The following GRM8 variants were observed in gnomAD, a reference collection of about 807,000 sequenced individuals.
GRM8 encodes the protein metabotropic glutamate receptor 8.
GRM8 carries 47 observed loss-of-function variants against 87.2 expected under a neutral mutation model. That is an observed-to-expected ratio of 0.54 (90% confidence interval 0.43 to 0.69). The LOEUF (loss-of-function observed/expected upper bound fraction) is 0.69. Among genes scored for constraint, GRM8 ranks in the 30% least tolerant of loss-of-function variants. The pLI, the probability that GRM8 is intolerant of heterozygous loss-of-function variation, is 0.00. For missense variants in GRM8, 1,019 were observed against 1,139.2 expected, an observed-to-expected ratio of 0.89 and a Z score of 1.52; for synonymous variants, 396 against 404.5, an observed-to-expected ratio of 0.98 and a Z score of 0.25.
intron 7 of GRM8, among the ~76,000 whole-genome samples, chr7:126,688,032 T>C (rs1280744474): frequency 1.3e-5 from 2 of 152,174 alleles, no homozygotes; most frequent in African/African-American, 2.4e-5. Flanking sequence ...CTAGACCATA[T>C]ACAAGCATTT....
intron 3 of GRM8, among the ~76,000 whole-genome samples, chr7:127,007,624 G>C (rs1814448675): frequency 1.3e-5 from 2 of 151,986 alleles, no homozygotes; most frequent in African/African-American, 4.8e-5. Context: ...CGCATTTTTT[G>C]AAAGTTCAGG....
At chr7:126,492,163 G>A (rs1808090907) in intron 9 of GRM8, among the ~76,000 whole-genome samples, 1 of 151,976 alleles carries the variant, frequency 6.6e-6, no homozygotes, top group Non-Finnish European at 1.5e-5. Context: ...TGATCCTCCT[G>A]CTTTAGCCTC....
intron 9 of GRM8, among the ~76,000 whole-genome samples, chr7:126,510,682 G>C (rs1361774783): frequency 1.2e-4 from 1 of 8,062 alleles, no homozygotes; most frequent in Non-Finnish European, 2.6e-4. Flanking sequence ...GGAAGATAAA[G>C]AGCTTCTAGT....
chr7:126,522,779 G>A (rs2150800303), intron 9 of GRM8, among the ~76,000 whole-genome samples: 1 of 152,132 alleles, frequency 6.6e-6, no homozygotes, highest in East Asian at 1.9e-4. Flanking sequence ...TTCATGGACA[G>A]TTTCTTCATC....
chr7:126,685,699 A>G lies in GRM8; in HGVS notation c.1358-76201T>C. On this transcript the variant is annotated intron_variant, in intron 7 of 10. Coordinates refer to ENST00000339582, the MANE Select transcript of GRM8 (RefSeq NM_000845.3). This position sits in a 1 kb window ranked among gnomAD's most constrained non-coding sequence, Gnocchi z 4.2. Reference sequence around the variant, plus strand: ...CTAAACTTTGGCTGTGGACAAGCACAGGAGGGAGGCACAAGGGGTGCTGAG... The same window carrying G: ...CTAAACTTTGGCTGTGGACAAGCACGGGAGGGAGGCACAAGGGGTGCTGAG... Among the ~76,000 whole-genome samples the G allele has an allele frequency of 6.6e-6, 1 of 152,106 alleles. No individual in the cohort carries two copies. Among genetic ancestry groups the G allele is most frequent in the East Asian group, 1.9e-4 (1 of 5,162 alleles).
intron 2 of GRM8, among the ~76,000 whole-genome samples, chr7:127,225,576 G>A (rs758403115): frequency 2.6e-4 from 40 of 151,670 alleles, no homozygotes; most frequent in Admixed American, 1.9e-3. Context: ...ATTTGGAGCA[G>A]TGCCCCAAAC....
At chr7:127,107,050 C>A (rs1421223561) in intron 2 of GRM8, among the ~76,000 whole-genome samples, 4 of 152,064 alleles carry the variant, frequency 2.6e-5, no homozygotes, top group African/African-American at 9.7e-5. Context: ...AGCTCTGGTG[C>A]AGAAAGGAGA....
chr7:126,920,387 A>T (rs1361975), intron 3 of GRM8, among the ~76,000 whole-genome samples: 10 of 151,970 alleles, frequency 6.6e-5, no homozygotes, highest in Non-Finnish European at 1.2e-4. Flanking sequence ...AAAAAAAAAG[A>T]GGGGAAAAGA....
At chr7:126,600,935 T>A (rs1484362499) in intron 8 of GRM8, among the ~76,000 whole-genome samples, 1 of 37,988 alleles carries the variant, frequency 2.6e-5, no homozygotes, top group Non-Finnish European at 7.4e-5. Context: ...AGAGTGGCAT[T>A]TTTTTTTTAT....
chr7:126,800,407 C>T (rs539359307), intron 6 of GRM8, among the ~76,000 whole-genome samples: 56 of 152,208 alleles, frequency 3.7e-4, no homozygotes, highest in African/African-American at 1.3e-3. Flanking sequence ...CCCCATTTTT[C>T]CCATTTAAAT....
At chr7:126,505,306 T>C (rs2150716003) in intron 9 of GRM8, among the ~76,000 whole-genome samples, 1 of 152,228 alleles carries the variant, frequency 6.6e-6, no homozygotes, top group African/African-American at 2.4e-5. Context: ...CCCAAGTTAA[T>C]ACCTTAAGTA....
At chr7:127,081,206 C>G (rs1484312145) in intron 3 of GRM8, among the ~76,000 whole-genome samples, 2 of 152,156 alleles carry the variant, frequency 1.3e-5, no homozygotes, top group African/African-American at 4.8e-5. Context: ...CCATTTCCCC[C>G]ACCTGCCTCC....
intron 7 of GRM8, among the ~76,000 whole-genome samples, chr7:126,722,997 A>G (rs934617049): frequency 7.0e-6 from 1 of 143,672 alleles, no homozygotes; most frequent in African/African-American, 2.6e-5. Flanking sequence ...TATATAATTT[A>G]TATATATAAT....
chr7:126,885,888 G>GTT (rs1482488379), intron 6 of GRM8, among the ~76,000 whole-genome samples: 1 of 152,024 alleles, frequency 6.6e-6, no homozygotes, highest in Non-Finnish European at 1.5e-5. Flanking sequence ...CCAAAGGCCA[G>GTT]TTTTTTTCCC....
intron 7 of GRM8, among the ~76,000 whole-genome samples, chr7:126,749,512 GAA>G (rs1265490261): frequency 6.6e-6 from 1 of 150,666 alleles, no homozygotes; most frequent in East Asian, 1.9e-4. Flanking sequence ...AAAGTGAAAA[GAA>G]AAATATTTGT....
intron 2 of GRM8, among the ~76,000 whole-genome samples, chr7:127,124,441 T>C (rs1827253198): frequency 6.6e-6 from 1 of 152,170 alleles, no homozygotes; most frequent in Non-Finnish European, 1.5e-5. Context: ...TAGATATTCC[T>C]TCTTTGTCAT....
At chr7:126,951,207 C>T (rs1008941760) in intron 3 of GRM8, among the ~76,000 whole-genome samples, 18 of 151,858 alleles carry the variant, frequency 1.2e-4, no homozygotes, top group African/African-American at 4.4e-4. Flanking sequence ...TATAAGAAAA[C>T]ACATACATAA....
chr7:126,613,885 C>T (rs1326555388), intron 7 of GRM8, among the ~76,000 whole-genome samples: 2 of 152,222 alleles, frequency 1.3e-5, no homozygotes, highest in African/African-American at 4.8e-5. Flanking sequence ...CCCGGATTCC[C>T]TCAAACTGGG....
At chr7:127,251,638 G>A (rs970436061) in intron 1 of GRM8, among the ~76,000 whole-genome samples, 4 of 151,514 alleles carry the variant, frequency 2.6e-5, no homozygotes, top group East Asian at 1.9e-4. Context: ...CCGCGCCCCG[G>A]GGCATTCCGG....
Sources: gnomAD v4.1 joint callset for allele counts (sites outside exome capture counted in the v4.1 genomes callset) on GRCh38, gnomAD v4.1.1 for gene constraint, Gnocchi (gnomAD v3.1) non-coding constraint, MANE v1.5 for transcripts, NCBI Gene and HGNC (gene_info 2026-07-23, HGNC 2026-07-21) for gene names.